Variants in MB21D2 observed in about 807,000 individuals in gnomAD.
The protein encoded by MB21D2 is Mab-21 domain containing 2.
In MB21D2, 9 loss-of-function variants were observed where a neutral mutation model predicts 33.3. That is an observed-to-expected ratio of 0.27 (90% CI 0.16 to 0.47). The LOEUF (loss-of-function observed/expected upper bound fraction) is 0.47, where lower values mean the gene tolerates loss of function less well. MB21D2 is among the 20% of genes least tolerant of loss of function. MB21D2 has a pLI of 0.99. For synonymous variants in MB21D2, 241 were observed against 236.3 expected (o/e 1.02, Z -0.18); for missense variants, 540 against 624.6 (o/e 0.86, Z 1.44).
intron 1 of MB21D2, among the ~76,000 whole-genome samples, chr3:192,846,849 A>G (rs779903770): frequency 6.6e-6 from 1 of 152,100 alleles, no homozygotes; most frequent in Non-Finnish European, 1.5e-5. Flanking sequence ...TTTCTCTTAT[A>G]CCTGTTTCAA....
At position 192,836,864 on chromosome 3, in the gene MB21D2, TCA is replaced by T. The variant is rs914577804; in HGVS notation, c.212-37216_212-37215del. Among the ~76,000 whole-genome samples the T allele has an allele frequency of 8.5e-5, 13 of 152,268 alleles. No individual in the cohort carries two copies. The South Asian group carries it at 1.9e-3, about 22-fold the overall frequency. On this transcript the variant is annotated intron_variant, in intron 1 of 1. Transcript: ENST00000392452. ...ATGCTGGTAGCTAATTTTCCCAAGG[TCA>T]CACAGTTACTTAGTGTCAGAAGAGG...
At chr3:192,890,881 G>A (rs1382150147) in intron 1 of MB21D2, among the ~76,000 whole-genome samples, 1 of 152,034 alleles carries the variant, frequency 6.6e-6, no homozygotes, top group African/African-American at 2.4e-5. Flanking sequence ...ATGGGGAGAG[G>A]AAGAAAGAAT....
intron 1 of MB21D2, among the ~76,000 whole-genome samples, chr3:192,807,105 T>C (rs547100031): frequency 6.6e-6 from 1 of 152,316 alleles, no homozygotes; most frequent in East Asian, 1.9e-4. Context: ...CATATCGATA[T>C]ATTATCAATA....
intron 1 of MB21D2, among the ~76,000 whole-genome samples, chr3:192,873,235 TTAAG>T (rs1367726537): frequency 6.6e-6 from 1 of 152,146 alleles, no homozygotes; most frequent in African/African-American, 2.4e-5. Flanking sequence ...TACATTAGAG[TTAAG>T]TGACGGTTAA....
rs1711505510 is a variant in MB21D2 at position 192,799,235 on chromosome 3, C to A, written c.627G>T (p.Lys209Asn). The A allele has an allele frequency of 6.2e-7, 1 of 1,614,102 alleles. No individual in the cohort carries two copies. Among genetic ancestry groups the A allele is most frequent in the African/African-American group, 1.3e-5 (1 of 74,930 alleles). The change falls in exon 2 of 2, where the codon AAG (lysine) becomes AAT (asparagine). Residue 209 changes from lysine (K) to asparagine (N), a missense_variant. Coordinates refer to ENST00000392452, the MANE Select transcript of MB21D2 (RefSeq NM_178496.4). The surrounding 1 kb of genome is among the most constrained non-coding windows in gnomAD (Gnocchi z 4.1). ...IQKKPQRGMP[K>N]VEKVEKNGTI... ...TCCCATTTTTTTCCACCTTTTCTACCTTTGGCATCCCTCGCTGGGGTTTCT... is the reference window on the plus strand; with the variant it reads ...TCCCATTTTTTTCCACCTTTTCTACATTTGGCATCCCTCGCTGGGGTTTCT...
At chr3:192,909,205 G>A (rs894172362) in intron 1 of MB21D2, among the ~76,000 whole-genome samples, 3 of 150,904 alleles carry the variant, frequency 2.0e-5, no homozygotes, top group Non-Finnish European at 3.0e-5. Context: ...GCAGTGAGCC[G>A]AGATCGCACC....
At position 192,834,888 on chromosome 3, in the gene MB21D2, C is replaced by CA. The variant is rs1198815167; in HGVS notation, c.212-35239dup. 5.4e-5 allele frequency among the ~76,000 whole-genome samples: 8 copies of CA among 147,404 alleles called. No homozygotes were observed. The East Asian group carries it at 1.6e-3, about 30-fold the overall frequency. On this transcript the variant is annotated intron_variant, in intron 1 of 1. Transcript: ENST00000392452. ...GCAGTGGCACGATCTCAGCTCACTG[C>CA]AACCTCTGCCTCCCTGGTTCAAGCG...
chr3:192,884,563 T>G lies in MB21D2; in HGVS notation c.211+33067A>C, dbSNP rs549087637. Among the ~76,000 whole-genome samples, 124 of 152,074 alleles carry G rather than the reference T, an allele frequency of 8.2e-4. 2 individuals carry two copies. The South Asian group carries it at 0.025, about 30-fold the overall frequency. ...TTGTATTTTTTAGTAGAGACGGGGT[T>G]TCACCGTGTTAGCCAGGATGGTCTT... On this transcript the variant is annotated intron_variant, in intron 1 of 1. Transcript: ENST00000392452.
intron 1 of MB21D2, among the ~76,000 whole-genome samples, chr3:192,914,204 C>T (rs1486308962): frequency 6.6e-6 from 1 of 152,188 alleles, no homozygotes; most frequent in African/African-American, 2.4e-5. Flanking sequence ...TGGATATCCA[C>T]TTTCTTCACC....
At chr3:192,824,389 A>T (rs1712123583) in intron 1 of MB21D2, among the ~76,000 whole-genome samples, 1 of 152,196 alleles carries the variant, frequency 6.6e-6, no homozygotes, top group African/African-American at 2.4e-5. Flanking sequence ...GGATTATGAG[A>T]GGAAGCTTCT....
At chr3:192,857,564 C>T (rs1712944628) in intron 1 of MB21D2, among the ~76,000 whole-genome samples, 1 of 152,260 alleles carries the variant, frequency 6.6e-6, no homozygotes, top group African/African-American at 2.4e-5. Flanking sequence ...TGCCGAACTT[C>T]TGGACCCAGT....
At chr3:192,824,530 A>AATAAAT (rs1286708562) in intron 1 of MB21D2, among the ~76,000 whole-genome samples, 7 of 147,554 alleles carry the variant, frequency 4.7e-5, no homozygotes, top group African/African-American at 1.7e-4. Context: ...TAAATAAATA[A>AATAAAT]AGTTTCTGGA....
At chr3:192,903,894 C>T (rs1457325080) in intron 1 of MB21D2, among the ~76,000 whole-genome samples, 1 of 152,196 alleles carries the variant, frequency 6.6e-6, no homozygotes, top group Admixed American at 6.5e-5. Context: ...CATTTTACTT[C>T]CATCATGACT....
rs181264702 is a variant in MB21D2 at position 192,894,447 on chromosome 3, C to T, written c.211+23183G>A. Among the ~76,000 whole-genome samples, 6 of 152,232 alleles carry T rather than the reference C, an allele frequency of 3.9e-5. No individual in the cohort carries two copies. The East Asian group carries it at 5.8e-4, about 15-fold the overall frequency. On this transcript the variant is annotated intron_variant, in intron 1 of 1. Transcript: ENST00000392452. Reference sequence around the variant, plus strand: ...GCCTCCAATGGATTTTTGAGTAGAACGTGGTTTCCGCAGCTTTTTGCCCAA... The same window carrying T: ...GCCTCCAATGGATTTTTGAGTAGAATGTGGTTTCCGCAGCTTTTTGCCCAA...
intron 1 of MB21D2, among the ~76,000 whole-genome samples, chr3:192,827,273 A>G (rs1712197446): frequency 1.3e-5 from 2 of 152,082 alleles, no homozygotes; most frequent in Non-Finnish European, 2.9e-5. Flanking sequence ...ACACTTTCCA[A>G]GCTCCCCAAC....
At chr3:192,856,515 C>T (rs530702350) in intron 1 of MB21D2, among the ~76,000 whole-genome samples, 2 of 152,208 alleles carry the variant, frequency 1.3e-5, no homozygotes, top group African/African-American at 2.4e-5. Context: ...ATTGCCCTTG[C>T]GTGTTTTCTG....
At chr3:192,828,048 G>T (rs747045811) in intron 1 of MB21D2, among the ~76,000 whole-genome samples, 15 of 152,062 alleles carry the variant, frequency 9.9e-5, no homozygotes, top group Middle Eastern at 3.4e-3. Context: ...CTTGTCTGCC[G>T]CCATATAAGA....
At chr3:192,834,809 C>CT (rs71177378) in intron 1 of MB21D2, among the ~76,000 whole-genome samples, 7,479 of 119,818 alleles carry the variant, frequency 0.062, 439 homozygotes, top group African/African-American at 0.11. Context: ...GAGGATTGTT[C>CT]TTTTTTTTTT....
intron 1 of MB21D2, among the ~76,000 whole-genome samples, chr3:192,912,269 A>T (rs1403119522): frequency 1.3e-5 from 2 of 152,214 alleles, no homozygotes; most frequent in African/African-American, 4.8e-5. Context: ...TTATCTTCAG[A>T]ACCCTGCACG....
Sources: allele counts gnomAD v4.1 joint callset (sites outside exome capture counted in the v4.1 genomes callset), GRCh38; gene constraint gnomAD v4.1.1; non-coding constraint Gnocchi (gnomAD v3.1); transcripts MANE v1.5; gene names NCBI Gene and HGNC (gene_info 2026-07-23, HGNC 2026-07-21).